Variants in SLC1A7 observed in about 807,000 individuals in gnomAD.
The protein encoded by SLC1A7 is excitatory amino acid transporter 5.
A neutral mutation model predicts 47.7 loss-of-function variants in SLC1A7; 40 were observed. The ratio of observed to expected loss-of-function variants is 0.84; its 90% confidence interval spans 0.65 to 1.09. SLC1A7 has a LOEUF of 1.09. SLC1A7 is among the 50% of genes least tolerant of loss of function. SLC1A7 has a pLI of 0.00. For missense variants in SLC1A7, 746 were observed against 769.5 expected (o/e 0.97, Z 0.36); for synonymous variants, 323 against 325.6 (o/e 0.99, Z 0.09).
intron 7 of SLC1A7, chr1:53,091,069 C>G (rs531784923): frequency 9.9e-7 from 1 of 1,011,198 alleles, no homozygotes; most frequent in Non-Finnish European, 1.4e-6. Context: ...ACTGCTGTGC[C>G]GAGGGATATG....
rs1645067673 is a variant in SLC1A7 at position 53,142,408 on chromosome 1, G to A, written c.42C>T (p.Cys14=). The part of the protein sequence containing the change: ...HAILARGRDV[C]RRNGLLILSV... The stretch of plus-strand genomic sequence containing the variant: ...ACAGGATGAGGAGTCCATTCCGCCT[G>A]CACACGTCCCTCCCCCGTGCCAAGA... Residue 14 remains cysteine, a synonymous_variant, in exon 1 of 11, where the codon TGC becomes TGT. Transcript: ENST00000371494. The A allele has an allele frequency of 1.9e-6, 3 of 1,611,484 alleles. No homozygotes were observed. The highest frequency in any genetic ancestry group is 2.2e-5 in the East Asian group (1 of 44,808).
chr1:53,089,710 G>C, intron 9 of SLC1A7, 90 bp downstream of exon 9: 1 of 1,403,474 alleles, frequency 7.1e-7, no homozygotes, highest in Non-Finnish European at 9.9e-7. Context: ...TTCTACCCTG[G>C]GGAAGGGACT....
Position 53,142,360 on chromosome 1 carries a change from G to A in SLC1A7, c.90C>T (p.Gly30=). The A allele has an allele frequency of 1.9e-6, 3 of 1,588,656 alleles. No individual in the cohort carries two copies. Among genetic ancestry groups the A allele is most frequent in the South Asian group, 2.3e-5 (2 of 87,158 alleles). ...LILSVLSVIV[G]CLLGFFLRTR... Reference sequence around the variant, plus strand: ...TCCTCAAGAAGAAGCCGAGGAGGCAGCCCACGATGACAGACAGCACAGACA... The same window carrying A: ...TCCTCAAGAAGAAGCCGAGGAGGCAACCCACGATGACAGACAGCACAGACA... Residue 30 remains glycine (G), a synonymous_variant, in exon 1 of 11, where the codon GGC becomes GGT. Coordinates refer to ENST00000371494, the MANE Select transcript of SLC1A7 (RefSeq NM_006671.6).
intron 2 of SLC1A7, among the ~76,000 whole-genome samples, chr1:53,117,474 G>A (rs1644774139): frequency 1.3e-5 from 2 of 152,202 alleles, no homozygotes; most frequent in Non-Finnish European, 2.9e-5. Context: ...CCTGACCTAA[G>A]AACTCACCAA....
chr1:53,115,406 C>T (rs1347262993), intron 2 of SLC1A7: 7 of 195,922 alleles, frequency 3.6e-5, no homozygotes, highest in African/African-American at 9.2e-5. Flanking sequence ...CTGAGATCTA[C>T]CTGCCTCTCC....
chr1:53,104,869 C>T (rs1208948081), intron 4 of SLC1A7, among the ~76,000 whole-genome samples: 1 of 152,178 alleles, frequency 6.6e-6, no homozygotes, highest in Non-Finnish European at 1.5e-5. Flanking sequence ...AAAGGGCAGG[C>T]AAAGACTGAG....
intron 2 of SLC1A7, among the ~76,000 whole-genome samples, chr1:53,125,951 A>G (rs532840849): frequency 1.3e-5 from 2 of 152,346 alleles, no homozygotes; most frequent in African/African-American, 4.8e-5. Context: ...GAGTAGGACC[A>G]TATTCAGTGT....
At chr1:53,121,787 A>G (rs2150338115) in intron 2 of SLC1A7, among the ~76,000 whole-genome samples, 1 of 151,906 alleles carries the variant, frequency 6.6e-6, no homozygotes, top group South Asian at 2.1e-4. Context: ...TGGGGAGGGG[A>G]CTTTGGGCTT....
chr1:53,089,068 C>G (rs1644391598), intron 9 of SLC1A7, 89 bp from the exon 10 acceptor site: 1 of 1,026,632 alleles, frequency 9.7e-7, no homozygotes, highest in Non-Finnish European at 1.5e-6. Flanking sequence ...ACAGCACGGC[C>G]GGTGACCAGC....
intron 1 of SLC1A7, among the ~76,000 whole-genome samples, chr1:53,138,732 A>G (rs1645025959): frequency 6.6e-6 from 1 of 152,160 alleles, no homozygotes; most frequent in Admixed American, 6.6e-5. Context: ...ATATTGTTAA[A>G]TACACTGTGT....
chr1:53,108,407 CAGCT>C (rs1644667929), intron 3 of SLC1A7: 1 of 597,808 alleles, frequency 1.7e-6, no homozygotes, highest in East Asian at 2.9e-5. Flanking sequence ...TTGGCAGGGA[CAGCT>C]AGTTGCCTAT....
rs1465196117 is a variant in SLC1A7 at position 53,099,438 on chromosome 1, T to C, written c.697+3908A>G. Among the ~76,000 whole-genome samples the C allele has an allele frequency of 7.7e-5, 11 of 143,470 alleles. 1 individual carries two copies. Among genetic ancestry groups the C allele is most frequent in the Non-Finnish European group, 1.7e-4 (11 of 65,642 alleles). 94.1% of individuals were successfully genotyped at this position (143,470 alleles called of 152,430 possible). A position where few individuals can be genotyped will look rare whatever the true frequency, so the allele number is the denominator to read the frequency against. The stretch of plus-strand genomic sequence containing the variant: ...TACGCTCACACAGCCCGCCTCGGTA[T>C]ACTCACACAACCTGCCTCGGTACAC... On this transcript the variant is annotated intron_variant, in intron 5 of 10. Transcript: ENST00000371494.
At chr1:53,093,816 C>T (rs565730784) in intron 5 of SLC1A7, among the ~76,000 whole-genome samples, 58 of 152,316 alleles carry the variant, frequency 3.8e-4, no homozygotes, top group Non-Finnish European at 1.6e-4. Context: ...AAGTGCACCC[C>T]TGGCTTCGCT....
chr1:53,136,709 C>G (rs1645004239), intron 1 of SLC1A7, among the ~76,000 whole-genome samples: 1 of 138,828 alleles, frequency 7.2e-6, no homozygotes, highest in Non-Finnish European at 1.5e-5. Flanking sequence ...TTCTGTTACC[C>G]AGGCAGGAGG....
chr1:53,098,989 C>T (rs1644535457), intron 5 of SLC1A7, among the ~76,000 whole-genome samples: 1 of 150,482 alleles, frequency 6.6e-6, no homozygotes, highest in Non-Finnish European at 1.5e-5. Context: ...GCCTCGCACT[C>T]ACACACCACC....
rs139094959 is a variant in SLC1A7 at position 53,123,209 on chromosome 1, G to A, written c.216-8236C>T. 4.1e-4 allele frequency among the ~76,000 whole-genome samples: 62 copies of A among 152,222 alleles called. 1 individual carries two copies. In the East Asian group the frequency reaches 0.011, roughly 26 times the overall value. On this transcript the variant is annotated intron_variant, in intron 2 of 10. Transcript: ENST00000371494. ...GGCCAGGTCCAGTTTCCAACTCCAC[G>A]TGAACTGAATCCCCCACCCCTTCCT...
chr1:53,119,536 A>C (rs1411954229), intron 2 of SLC1A7, among the ~76,000 whole-genome samples: 1 of 152,038 alleles, frequency 6.6e-6, no homozygotes, highest in African/African-American at 2.4e-5. Flanking sequence ...TTTTTAGTAG[A>C]GATGGGGGTA....
intron 2 of SLC1A7, among the ~76,000 whole-genome samples, chr1:53,127,565 C>G (rs144000828): frequency 6.6e-6 from 1 of 152,186 alleles, no homozygotes; most frequent in Non-Finnish European, 1.5e-5. Context: ...ATCCTCCTCC[C>G]GCAGTGTGGC....
chr1:53,134,647 A>G (rs554396542), intron 1 of SLC1A7, among the ~76,000 whole-genome samples: 1 of 152,236 alleles, frequency 6.6e-6, no homozygotes, highest in African/African-American at 2.4e-5. Flanking sequence ...GTGTGGCCTT[A>G]AGCATCTTCT....
Sources: allele counts gnomAD v4.1 joint callset (sites outside exome capture counted in the v4.1 genomes callset), GRCh38; gene constraint gnomAD v4.1.1; transcripts MANE v1.5; gene names NCBI Gene and HGNC (gene_info 2026-07-23, HGNC 2026-07-21).